The following WWOX variants were observed in gnomAD, a reference collection of about 807,000 sequenced individuals.
The protein encoded by WWOX is WW domain-containing oxidoreductase.
Under a neutral mutation model 46.2 loss-of-function variants are expected in WWOX, and 69 were observed. The observed-to-expected ratio is 1.49, with a 90% CI of 1.23 to 1.82. WWOX has a LOEUF of 1.82. Among genes scored for constraint, WWOX ranks in the 40% most tolerant of loss-of-function variants. WWOX has a pLI of 0.00. For synonymous variants in WWOX, 359 were observed against 202.6 expected (o/e 1.77, Z -6.56); for missense variants, 919 against 542.6 (o/e 1.69, Z -6.89).
chr16:78,222,262 T>C (rs2036911999), intron 5 of WWOX, among the ~76,000 whole-genome samples: 1 of 151,910 alleles, frequency 6.6e-6, no homozygotes, highest in African/African-American at 2.4e-5. Context: ...TTCCAGTTCA[T>C]TTCCAACGCG....
At chr16:78,904,293 C>T (rs1310761624) in intron 8 of WWOX, among the ~76,000 whole-genome samples, 1 of 139,402 alleles carries the variant, frequency 7.2e-6, no homozygotes, top group African/African-American at 2.7e-5. Context: ...GGCTGGAGTG[C>T]ACTGGCATGA....
At position 78,867,326 on chromosome 16, in the gene WWOX, A is replaced by G. The variant is rs139297492; in HGVS notation, c.1057-344282A>G. ...TTTCATATCCCTTTCTATTTTATGTACATATTTATCAATATACTTTTTGTT... is the reference window on the plus strand; with the variant it reads ...TTTCATATCCCTTTCTATTTTATGTGCATATTTATCAATATACTTTTTGTT... On this transcript the variant is annotated intron_variant, in intron 8 of 8. Coordinates refer to ENST00000566780, the MANE Select transcript of WWOX (RefSeq NM_016373.4). Among the ~76,000 whole-genome samples, 1,097 of 152,300 alleles carry G rather than the reference A, an allele frequency of 7.2e-3. 9 individuals carry two copies. The highest frequency in any genetic ancestry group is 0.024 in the Middle Eastern group (7 of 294).
chr16:79,080,410 A>C (rs931215652), intron 8 of WWOX, among the ~76,000 whole-genome samples: 1 of 152,178 alleles, frequency 6.6e-6, no homozygotes, highest in African/African-American at 2.4e-5. Flanking sequence ...ACCTAGAACC[A>C]AATTGCCTAA....
At chr16:78,172,238 A>G (rs886888025) in intron 5 of WWOX, among the ~76,000 whole-genome samples, 2 of 152,202 alleles carry the variant, frequency 1.3e-5, no homozygotes, top group African/African-American at 4.8e-5. Context: ...GCTTCTTGTA[A>G]TCTGAGGGAG....
chr16:79,165,479 A>G (rs2050575915), intron 8 of WWOX, among the ~76,000 whole-genome samples: 1 of 152,168 alleles, frequency 6.6e-6, no homozygotes, highest in Non-Finnish European at 1.5e-5. Context: ...GAAAAATAGA[A>G]TCAGAGCAAA....
intron 8 of WWOX, among the ~76,000 whole-genome samples, chr16:78,549,650 T>C (rs2044130056): frequency 6.6e-6 from 1 of 152,162 alleles, no homozygotes; most frequent in Non-Finnish European, 1.5e-5. Flanking sequence ...AGCGAGCTAA[T>C]GGAAATCATT....
intron 7 of WWOX, among the ~76,000 whole-genome samples, 166 bp downstream of exon 7, chr16:78,425,221 A>G (rs984150148): frequency 2.6e-5 from 4 of 151,878 alleles, no homozygotes; most frequent in African/African-American, 7.3e-5. Context: ...TTCGCCTGTG[A>G]TTGTGGGGGA....
At chr16:78,567,552 CAAAA>C (rs71272440) in intron 8 of WWOX, among the ~76,000 whole-genome samples, 46 of 52,128 alleles carry the variant, frequency 8.8e-4, no homozygotes, top group Admixed American at 1.9e-3. Flanking sequence ...GACTCCGTCT[CAAAA>C]AAAAAAAAAA....
intron 6 of WWOX, among the ~76,000 whole-genome samples, chr16:78,403,957 G>A (rs943061232): frequency 4.6e-5 from 7 of 152,122 alleles, no homozygotes; most frequent in African/African-American, 1.7e-4. Context: ...AGTTCACCAA[G>A]ACAAATATTG....
intron 8 of WWOX, among the ~76,000 whole-genome samples, chr16:79,148,065 G>A (rs2050212351): frequency 6.6e-6 from 1 of 152,040 alleles, no homozygotes; most frequent in Admixed American, 6.6e-5. Flanking sequence ...CAAAATAAAA[G>A]TATTTAGTTT....
At chr16:79,047,318 C>G (rs1466459541) in intron 8 of WWOX, among the ~76,000 whole-genome samples, 1 of 152,134 alleles carries the variant, frequency 6.6e-6, no homozygotes, top group Non-Finnish European at 1.5e-5. Flanking sequence ...TTCTTAGATT[C>G]CCTTGAGCCG....
rs184146390 is a variant in WWOX at position 79,096,888 on chromosome 16, T to G, written c.1057-114720T>G. On this transcript the variant is annotated intron_variant, in intron 8 of 8. Coordinates refer to ENST00000566780, the MANE Select transcript of WWOX (RefSeq NM_016373.4). Reference sequence around the variant, plus strand: ...TTGTGCCCAGAAGATCTCACTAGATTCTTTATACTCTGGGGAGAAGAAAGG... The same window carrying G: ...TTGTGCCCAGAAGATCTCACTAGATGCTTTATACTCTGGGGAGAAGAAAGG... Among the ~76,000 whole-genome samples, 39 of 152,192 alleles carry G rather than the reference T, an allele frequency of 2.6e-4. 1 individual carries two copies. The highest frequency in any genetic ancestry group is 2.2e-4 in the Non-Finnish European group (15 of 68,020).
intron 8 of WWOX, among the ~76,000 whole-genome samples, chr16:78,508,400 C>T (rs991411875): frequency 2.0e-5 from 3 of 146,964 alleles, no homozygotes; most frequent in Non-Finnish European, 4.4e-5. Context: ...GACAATTCTT[C>T]CTCCACTGTG....
intron 8 of WWOX, among the ~76,000 whole-genome samples, chr16:78,689,296 C>T (rs991639090): frequency 2.0e-5 from 3 of 152,198 alleles, no homozygotes; most frequent in Admixed American, 6.5e-5. Flanking sequence ...TGTCTGCACG[C>T]CTTGTATTTT....
In WWOX at chr16:78,424,910, C is replaced by G. The variant is rs7201683; in HGVS notation, c.646C>G (p.Leu216Val). 0.016 allele frequency: 26,457 copies of G among 1,614,110 alleles called. 534 individuals are homozygous for G. The highest frequency in any genetic ancestry group is 0.1 in the African/African-American group (7,596 of 74,988). Reference protein sequence around the residue: ...VLVCNAATFALPWSLTKDGLE... With the variant: ...VLVCNAATFAVPWSLTKDGLE... The stretch of plus-strand genomic sequence containing the variant: ...TGTGTGCAACGCAGCAACTTTTGCT[C>G]TACCCTGGAGTCTCACCAAAGATGG... Residue 216 changes from leucine (L) to valine (V), a missense_variant, in exon 7 of 9, where the codon CTA (leucine) becomes GTA (valine). By Grantham distance (32) the Leu-to-Val change is conservative (BLOSUM62 1). Transcript: ENST00000566780.
chr16:78,923,924 C>G (rs566751477), intron 8 of WWOX, among the ~76,000 whole-genome samples: 1 of 151,528 alleles, frequency 6.6e-6, no homozygotes, highest in Non-Finnish European at 1.5e-5. Flanking sequence ...CTCAGCCTCC[C>G]GAGCAGCTGG....
rs2151386030 is a variant in WWOX, at chr16:78,432,578, C to G, written c.882C>G (p.Asn294Lys). 4 of 1,614,210 alleles carry G rather than the reference C, an allele frequency of 2.5e-6. No individual in the cohort carries two copies. The highest frequency in any genetic ancestry group is 3.4e-6 in the Non-Finnish European group (4 of 1,180,050). ...ACTATTGGGCGATGCTGGCTTATAA[C>G]AGGTCCAAGCTCTGCAACATCCTCT... ...KNDYWAMLAYNRSKLCNILFS... is the reference protein window; with the variant it reads ...KNDYWAMLAYKRSKLCNILFS... Residue 294 changes from asparagine (N) to lysine (K), a missense_variant, in exon 8 of 9, where the codon AAC becomes AAG. Physicochemically the swap from Asn to Lys is moderately conservative, Grantham distance 94. Transcript: ENST00000566780.
chr16:78,322,103 A>G (rs1189224532), intron 5 of WWOX, among the ~76,000 whole-genome samples: 1 of 152,082 alleles, frequency 6.6e-6, no homozygotes, highest in Non-Finnish European at 1.5e-5. Context: ...ATTTCATCCT[A>G]TATAAACCAG....
intron 8 of WWOX, among the ~76,000 whole-genome samples, chr16:78,488,665 C>T (rs2084700633): frequency 6.6e-6 from 1 of 152,042 alleles, no homozygotes; most frequent in South Asian, 2.1e-4. Context: ...GAGACAGTGG[C>T]TGTAGGGGAG....
Sources: allele counts gnomAD v4.1 joint callset (sites outside exome capture counted in the v4.1 genomes callset), GRCh38; gene constraint gnomAD v4.1.1; transcripts MANE v1.5; gene names NCBI Gene and HGNC (gene_info 2026-07-23, HGNC 2026-07-21).